The following NPFFR1 variants were observed in gnomAD, a reference collection of about 807,000 sequenced individuals.
The protein encoded by NPFFR1 is neuropeptide FF receptor 1.
Under a neutral mutation model 12.7 loss-of-function variants are expected in NPFFR1, and 17 were observed. The observed-to-expected ratio is 1.34, with a 90% CI of 0.92 to 2.01. NPFFR1 has a LOEUF of 2.01. Ranked by LOEUF, NPFFR1 falls within the 30% of genes most tolerant of loss-of-function variation. The pLI is 0.00. For missense variants in NPFFR1, 604 were observed against 606.5 expected (o/e 1.00, Z 0.04); for synonymous variants, 296 against 264.5 (o/e 1.12, Z -1.16).
chr10:70,253,826 C>G lies in NPFFR1; in HGVS notation c.*1131G>C, dbSNP rs1238580662. 1 of 152,360 alleles carries G rather than the reference C, an allele frequency of 6.6e-6. No homozygotes were observed. The highest frequency in any genetic ancestry group is 1.5e-5 in the Non-Finnish European group (1 of 68,198). The allele number at this position is 152,360 out of a possible 1,614,324, so 9.4% of individuals were successfully genotyped here. On this transcript the variant is annotated 3_prime_UTR_variant, in exon 4 of 4. Coordinates refer to ENST00000277942, the MANE Select transcript of NPFFR1 (RefSeq NM_022146.5). ...TGTGCTCCCGTCTCCTGGAAAGAAG[C>G]CACATTTCTTCAAGTTGATGCAGGG...
At chr10:70,272,211 G>GGAAAGAAAGAAA (rs1554833493) in intron 1 of NPFFR1, among the ~76,000 whole-genome samples, 2 of 55,868 alleles carry the variant, frequency 3.6e-5, no homozygotes, top group African/African-American at 1.6e-4. Flanking sequence ...AAGAAAGAAA[G>GGAAAGAAAGAAA]GAAAGAAAGA....
At chr10:70,263,832 C>T (rs189618755) in intron 2 of NPFFR1, among the ~76,000 whole-genome samples, 81 of 150,576 alleles carry the variant, frequency 5.4e-4, no homozygotes, top group African/African-American at 2.0e-3. Flanking sequence ...GAAGAAAAAG[C>T]TGGGCATGGT....
intron 1 of NPFFR1, among the ~76,000 whole-genome samples, chr10:70,269,536 A>T (rs1840728431): frequency 6.9e-6 from 1 of 145,120 alleles, no homozygotes; most frequent in Non-Finnish European, 1.5e-5. Flanking sequence ...TTTGAGACGG[A>T]GTCTTGATCT....
intron 1 of NPFFR1, among the ~76,000 whole-genome samples, chr10:70,270,583 A>C (rs58023772): frequency 0.086 from 13,150 of 152,304 alleles, 638 homozygotes; most frequent in Middle Eastern, 0.17. Flanking sequence ...GAGCCTCAGC[A>C]GAGCCTGGGC....
Position 70,255,553 on chromosome 10 carries a change from C to T in NPFFR1, c.697G>A (p.Val233Met). 1.3e-6 allele frequency: 2 copies of T among 1,550,650 alleles called. No homozygotes were observed. The highest frequency in any genetic ancestry group is 1.7e-6 in the Non-Finnish European group (2 of 1,146,868). The change falls in exon 4 of 4, where the codon GTG (valine) becomes ATG (methionine). Residue 233 changes from valine to methionine, a missense_variant. Physicochemically the swap from Val to Met is conservative, Grantham distance 21. Transcript: ENST00000277942. This position sits in a 1 kb window ranked among gnomAD's most constrained non-coding sequence, Gnocchi z 4.2. Reference protein sequence around the residue: ...HIYLAPLALIVVMYARIARKL... With the variant: ...HIYLAPLALIMVMYARIARKL... ...CGCGCGATGCGGGCGTACATGACCA[C>T]GATGAGCGCCAGCGGCGCCAGGTAG... is the stretch of plus-strand genomic sequence containing the variant.
chr10:70,256,341 C>T (rs1359579350), intron 3 of NPFFR1, among the ~76,000 whole-genome samples: 1 of 152,202 alleles, frequency 6.6e-6, no homozygotes. Flanking sequence ...CTCGGCCTCC[C>T]GAATTTCTGG....
chr10:70,265,870 G>A (rs193095541), intron 2 of NPFFR1, among the ~76,000 whole-genome samples: 1 of 152,292 alleles, frequency 6.6e-6, no homozygotes, highest in East Asian at 1.9e-4. Context: ...ATCATGCCAG[G>A]CACAAAGAAA....
rs1289905749 is a variant in NPFFR1 at position 70,255,623 on chromosome 10, C to T, written c.627G>A (p.Glu209=). 2 of 1,575,746 alleles carry T rather than the reference C, an allele frequency of 1.3e-6. No individual in the cohort carries two copies. The highest frequency in any genetic ancestry group is 2.7e-5 in the African/African-American group (2 of 74,094). ...PLYSCWEAWP[E]KGMRRVYTTV... ...TGGTGTAGACCCTGCGCATGCCCTT[C>T]TCGGGCCAGGCCTCCCAGCAGGAGT... The change falls in exon 4 of 4, where the codon GAG becomes GAA. Residue 209 remains glutamate, a synonymous_variant. Coordinates refer to ENST00000277942, the MANE Select transcript of NPFFR1 (RefSeq NM_022146.5). This position sits in a 1 kb window ranked among gnomAD's most constrained non-coding sequence, Gnocchi z 4.2.
intron 1 of NPFFR1, among the ~76,000 whole-genome samples, chr10:70,268,652 A>T (rs1455209606): frequency 6.6e-6 from 1 of 152,144 alleles, no homozygotes; most frequent in African/African-American, 2.4e-5. Context: ...TTCTCCACTC[A>T]GCCTCTCATC....
chr10:70,266,740 G>A (rs1017110980), intron 1 of NPFFR1, among the ~76,000 whole-genome samples: 10 of 152,210 alleles, frequency 6.6e-5, no homozygotes, highest in Admixed American at 5.9e-4. Flanking sequence ...TTGTCTTCTG[G>A]CTTCTAGCTG....
At chr10:70,257,913 T>C (rs924778809) in intron 3 of NPFFR1, among the ~76,000 whole-genome samples, 10 of 152,214 alleles carry the variant, frequency 6.6e-5, no homozygotes, top group African/African-American at 1.9e-4. Flanking sequence ...CCAGTCACAG[T>C]ACCTTCCCTT....
chr10:70,277,428 A>G (rs1840815398), intron 1 of NPFFR1, among the ~76,000 whole-genome samples: 1 of 152,188 alleles, frequency 6.6e-6, no homozygotes, highest in African/African-American at 2.4e-5. Flanking sequence ...CCCCAGGATG[A>G]TGATATGCTT....
Position 70,283,660 on chromosome 10 carries a change from G to A in NPFFR1, c.7+10C>T. On this transcript the variant is annotated intron_variant, in intron 1 of 3. Coordinates refer to ENST00000277942, the MANE Select transcript of NPFFR1 (RefSeq NM_022146.5). ...CCCCACGGCTGGCCCCCAGCCCCAG[G>A]ACCACTCACCCTCCATGATGCCCCC... 6.5e-7 allele frequency: 1 copy of A among 1,535,376 alleles called. No individual in the cohort carries two copies. The highest frequency in any genetic ancestry group is 8.7e-7 in the Non-Finnish European group (1 of 1,146,414).
In NPFFR1 at chr10:70,260,641, T is replaced by C; in HGVS notation, c.421A>G (p.Arg141Gly). Residue 141 changes from arginine (R) to glycine (G), a missense_variant and splice_region_variant, in exon 3 of 4, where the codon AGG becomes GGG. By Grantham distance (125) the Arg-to-Gly change is moderately radical. Transcript: ENST00000277942. The stretch of plus-strand genomic sequence containing the variant: ...TAATCCAGCCAGGAAACCTCTCACC[T>C]TTCCACAGCAATGGCCACCAGTGTG... ...VFTLVAIAVE[R>G]FRCIVHPFRE... The C allele has an allele frequency of 1.2e-6, 2 of 1,607,570 alleles. No individual in the cohort carries two copies. Among genetic ancestry groups the C allele is most frequent in the East Asian group, 2.2e-5 (1 of 44,622 alleles).
chr10:70,274,514 G>T (rs1415183310), intron 1 of NPFFR1, among the ~76,000 whole-genome samples: 1 of 152,152 alleles, frequency 6.6e-6, no homozygotes, highest in Non-Finnish European at 1.5e-5. Context: ...GAGAAGCTTG[G>T]GAACTTGTCT....
chr10:70,282,003 A>G (rs1008059023), intron 1 of NPFFR1, among the ~76,000 whole-genome samples: 5 of 152,160 alleles, frequency 3.3e-5, no homozygotes, highest in African/African-American at 1.2e-4. Flanking sequence ...TTTTAGATAA[A>G]AAATTTATAT....
chr10:70,266,033 G>A lies in NPFFR1; in HGVS notation c.322+44C>T. 6 of 1,541,786 alleles carry A rather than the reference G, an allele frequency of 3.9e-6. No homozygotes were observed. In the South Asian group the frequency reaches 4.7e-5, roughly 12 times the overall value. Reference sequence around the variant, plus strand: ...TTCCAGCCTTATCTGAGAAGTTGAAGTGGGGGGTAGGGGACACTCCTGCTG... The same window carrying A: ...TTCCAGCCTTATCTGAGAAGTTGAAATGGGGGGTAGGGGACACTCCTGCTG... On this transcript the variant is annotated intron_variant, in intron 2 of 3. Coordinates refer to ENST00000277942, the MANE Select transcript of NPFFR1 (RefSeq NM_022146.5).
chr10:70,272,442 A>G (rs1385884908), intron 1 of NPFFR1, among the ~76,000 whole-genome samples: 1 of 152,212 alleles, frequency 6.6e-6, no homozygotes. Flanking sequence ...CCAGGCCTGG[A>G]TGCAGAGACG....
intron 1 of NPFFR1, among the ~76,000 whole-genome samples, chr10:70,282,127 T>G (rs1268748769): frequency 1.3e-5 from 2 of 152,200 alleles, no homozygotes; most frequent in African/African-American, 4.8e-5. Flanking sequence ...TCTGGGTCGC[T>G]GGGATGTCAT....
Sources: allele counts gnomAD v4.1 joint callset (sites outside exome capture counted in the v4.1 genomes callset), GRCh38; gene constraint gnomAD v4.1.1; non-coding constraint Gnocchi (gnomAD v3.1); transcripts MANE v1.5; gene names NCBI Gene and HGNC (gene_info 2026-07-23, HGNC 2026-07-21).